Variants in TAF3 observed in about 807,000 individuals in gnomAD.
TAF3 encodes TATA-box binding protein associated factor 3.
TAF3 carries 7 observed loss-of-function variants against 80.6 expected under a neutral mutation model. The observed-to-expected ratio is 0.09, with a 90% CI of 0.05 to 0.16. TAF3 has a LOEUF of 0.16. Ranked by LOEUF, TAF3 falls within the 10% of genes least tolerant of loss-of-function variation. The pLI, the probability that TAF3 is intolerant of heterozygous loss-of-function variation, is 1.00. For synonymous variants in TAF3, 444 were observed against 446.1 expected (o/e 1.00, Z 0.06); for missense variants, 921 against 1,140.2 (o/e 0.81, Z 2.77).
chr10:7,843,646 CT>C (rs34180336), intron 2 of TAF3, among the ~76,000 whole-genome samples: 60 of 142,478 alleles, frequency 4.2e-4, no homozygotes, highest in South Asian at 6.6e-4. Context: ...CTTTCTCACT[CT>C]TTTTTTTTTT....
chr10:7,946,584 G>T (rs548304810), intron 2 of TAF3, among the ~76,000 whole-genome samples: 1 of 152,170 alleles, frequency 6.6e-6, no homozygotes, highest in Non-Finnish European at 1.5e-5. Context: ...TTATCCAGGC[G>T]TAGTAGCACA....
chr10:7,842,156 T>TTTTTTTTGTTTG (rs1836922408), intron 2 of TAF3, among the ~76,000 whole-genome samples: 1 of 123,002 alleles, frequency 8.1e-6, no homozygotes, highest in Non-Finnish European at 1.7e-5. Context: ...ATATTGTTTT[T>TTTTTTTTGTTTG]TTTTTTTGTT....
intron 3 of TAF3, among the ~76,000 whole-genome samples, chr10:7,974,617 C>T (rs1477471170): frequency 6.6e-6 from 1 of 151,780 alleles, no homozygotes; most frequent in Non-Finnish European, 1.5e-5. Context: ...CATGAGAAGA[C>T]CTATAATGGG....
chr10:7,937,493 T>C (rs957473985), intron 2 of TAF3, among the ~76,000 whole-genome samples: 21 of 152,250 alleles, frequency 1.4e-4, no homozygotes, highest in African/African-American at 4.6e-4. Flanking sequence ...ATGTCTTTGG[T>C]AAAGTGTCTG....
chr10:7,999,518 G>GTGA (rs1831923348), intron 4 of TAF3, among the ~76,000 whole-genome samples: 1 of 148,646 alleles, frequency 6.7e-6, no homozygotes, highest in Non-Finnish European at 1.5e-5. Flanking sequence ...GTGCAAAGGT[G>GTGA]TGATCTTGGC....
At chr10:7,984,894 G>A (rs1056760917) in intron 4 of TAF3, among the ~76,000 whole-genome samples, 3 of 151,982 alleles carry the variant, frequency 2.0e-5, no homozygotes, top group Non-Finnish European at 4.4e-5. Context: ...CACACTTCTG[G>A]CATTTAAAAA....
intron 4 of TAF3, among the ~76,000 whole-genome samples, chr10:8,006,623 C>G (rs1306411130): frequency 3.9e-5 from 6 of 152,194 alleles, no homozygotes; most frequent in African/African-American, 1.4e-4. Context: ...AAATAGAGAA[C>G]AATTCGACAG....
rs536910498 is a variant in TAF3 at position 7,902,259 on chromosome 10, A to C, written c.410-61661A>C. On this transcript the variant is annotated intron_variant, in intron 2 of 6. Coordinates refer to ENST00000344293, the MANE Select transcript of TAF3 (RefSeq NM_031923.4). Reference sequence around the variant, plus strand: ...ACCAACATGGAGAAACCCTGTCTCTACTAAAAATACAAAATTAGCCAGGCC... The same window carrying C: ...ACCAACATGGAGAAACCCTGTCTCTCCTAAAAATACAAAATTAGCCAGGCC... 3.9e-5 allele frequency among the ~76,000 whole-genome samples: 6 copies of C among 152,214 alleles called. No homozygotes were observed. The South Asian group carries it at 1.2e-3, about 32-fold the overall frequency.
At chr10:7,859,821 T>G (rs532259641) in intron 2 of TAF3, among the ~76,000 whole-genome samples, 1 of 152,356 alleles carries the variant, frequency 6.6e-6, no homozygotes, top group African/African-American at 2.4e-5. Flanking sequence ...GTACAGTGCC[T>G]AGTAGGCACT....
At position 7,871,435 on chromosome 10, in the gene TAF3, C is replaced by CTTTTTTTT. The variant is rs527356726; in HGVS notation, c.409+46893_409+46900dup. 6.3e-3 allele frequency among the ~76,000 whole-genome samples: 432 copies of CTTTTTTTT among 69,062 alleles called. 33 individuals are homozygous for CTTTTTTTT. Among genetic ancestry groups the CTTTTTTTT allele is most frequent in the African/African-American group, 8.5e-3 (174 of 20,530 alleles). The allele number at this position is 69,062 out of a possible 152,430, so 45.3% of individuals were successfully genotyped here. ...CTAAATTGATGACAAATAACTGCTG[C>CTTTTTTTT]TTTTTTTTTTTTTTTTTTTTTTTTT... On this transcript the variant is annotated intron_variant, in intron 2 of 6. Transcript: ENST00000344293.
intron 4 of TAF3, among the ~76,000 whole-genome samples, chr10:7,990,054 G>A (rs1184476639): frequency 3.9e-5 from 6 of 152,106 alleles, no homozygotes; most frequent in Non-Finnish European, 8.8e-5. Flanking sequence ...ATTTTTAAGA[G>A]ATTGTTTTAG....
chr10:7,838,869 C>T (rs1353726052), intron 2 of TAF3, among the ~76,000 whole-genome samples: 3 of 145,712 alleles, frequency 2.1e-5, no homozygotes, highest in East Asian at 4.0e-4. Context: ...GGGAACGTTC[C>T]TTCTGTGTAT....
chr10:7,978,025 GA>G (rs1831690483), intron 4 of TAF3, among the ~76,000 whole-genome samples: 1 of 151,532 alleles, frequency 6.6e-6, no homozygotes, highest in African/African-American at 2.4e-5. Flanking sequence ...ATGAAACATT[GA>G]TTTTTTTTTT....
chr10:7,871,745 A>G (rs1837268974), intron 2 of TAF3, among the ~76,000 whole-genome samples: 1 of 152,126 alleles, frequency 6.6e-6, no homozygotes, highest in African/African-American at 2.4e-5. Flanking sequence ...CGCCAGGCCA[A>G]CGATTGCTAT....
intron 2 of TAF3, among the ~76,000 whole-genome samples, chr10:7,949,814 G>A (rs925745744): frequency 6.6e-6 from 1 of 152,162 alleles, no homozygotes; most frequent in African/African-American, 2.4e-5. Context: ...TTTGTTGACT[G>A]AAACATAGAA....
intron 4 of TAF3, among the ~76,000 whole-genome samples, chr10:7,982,812 C>T (rs1761946091): frequency 6.6e-6 from 1 of 152,188 alleles, no homozygotes; most frequent in Non-Finnish European, 1.5e-5. Context: ...AGATGGTGTC[C>T]TCCACAGCGG....
At chr10:7,882,663 C>T (rs535753420) in intron 2 of TAF3, among the ~76,000 whole-genome samples, 1 of 148,498 alleles carries the variant, frequency 6.7e-6, no homozygotes, top group African/African-American at 2.6e-5. Context: ...TGGAGTGCTC[C>T]TATCAGAAGG....
chr10:7,972,232 C>T (rs560019054), intron 3 of TAF3, among the ~76,000 whole-genome samples: 15 of 152,198 alleles, frequency 9.9e-5, no homozygotes, highest in Non-Finnish European at 1.3e-4. Flanking sequence ...GTAGGAAATG[C>T]CTCTGTTTTT....
At chr10:7,854,029 C>T (rs1219986248) in intron 2 of TAF3, among the ~76,000 whole-genome samples, 1 of 152,192 alleles carries the variant, frequency 6.6e-6, no homozygotes, top group African/African-American at 2.4e-5. Flanking sequence ...AGAAGAAACA[C>T]ACACACAATC....
Sources: allele counts gnomAD v4.1 joint callset (sites outside exome capture counted in the v4.1 genomes callset), GRCh38; gene constraint gnomAD v4.1.1; transcripts MANE v1.5; gene names NCBI Gene and HGNC (gene_info 2026-07-23, HGNC 2026-07-21).